The following PCBP3 variants were observed in gnomAD, a reference collection of about 807,000 sequenced individuals.
PCBP3 encodes the protein poly(rC)-binding protein 3.
A neutral mutation model predicts 52.7 loss-of-function variants in PCBP3; 25 were observed. The ratio of observed to expected loss-of-function variants is 0.47; its 90% CI spans 0.35 to 0.66. The LOEUF is 0.66. PCBP3 is among the 30% of genes least tolerant of loss of function. PCBP3 has a pLI of 0.01. For synonymous variants in PCBP3, 162 were observed against 183.0 expected (o/e 0.89, Z 0.93); for missense variants, 391 against 490.3 (o/e 0.80, Z 1.91).
At chr21:45,882,374 T>TTTCTTTCCGTTTCTTTGCC (rs2095424483) in intron 5 of PCBP3, among the ~76,000 whole-genome samples, 1 of 152,196 alleles carries the variant, frequency 6.6e-6, no homozygotes, top group Non-Finnish European at 1.5e-5. Context: ...TAAAATCTGG[T>TTTCTTTCCGTTTCTTTGCC]ATTTGTTTTC....
At chr21:45,732,500 T>C (rs944561629) in intron 2 of PCBP3, among the ~76,000 whole-genome samples, 92 of 122,114 alleles carry the variant, frequency 7.5e-4, no homozygotes, top group South Asian at 6.7e-4. Context: ...TGGCTGCCTT[T>C]ACGATTTTTT....
intron 2 of PCBP3, among the ~76,000 whole-genome samples, chr21:45,707,318 C>T (rs192414213): frequency 6.6e-5 from 10 of 152,084 alleles, no homozygotes; most frequent in Non-Finnish European, 1.0e-4. Context: ...GAGTTCAAGA[C>T]CAGCCTGGTT....
At position 45,735,436 on chromosome 21, in the gene PCBP3, A is replaced by G. The variant is rs954982580; in HGVS notation, c.-162+7A>G. 1 of 151,924 alleles carries G rather than the reference A, an allele frequency of 6.6e-6. No homozygotes were observed. Among genetic ancestry groups the G allele is most frequent in the Non-Finnish European group, 1.5e-5 (1 of 67,996 alleles). 9.4% of individuals were successfully genotyped at this position (151,924 alleles called of 1,614,324 possible). On this transcript the variant is annotated splice_region_variant and intron_variant, in intron 3 of 17. Transcript: ENST00000681687. The surrounding 1 kb of genome is among the most constrained non-coding windows in gnomAD (Gnocchi z 4.0). ...GCTCCCCACGTGGTTCCGTGTAAGT[A>G]GTGCTTCTTATGATGCTGTCACAGG...
intron 4 of PCBP3, chr21:45,761,658 T>A (rs765573897): frequency 1.3e-5 from 2 of 152,280 alleles, no homozygotes; most frequent in Non-Finnish European, 2.9e-5. Context: ...CTCAGTGAGG[T>A]TTGTGTTTCC....
At chr21:45,895,039 G>A (rs116270017) in intron 5 of PCBP3, among the ~76,000 whole-genome samples, 2,406 of 152,312 alleles carry the variant, frequency 0.016, 30 homozygotes, top group South Asian at 0.057. Context: ...CAGCGTAAGC[G>A]CGGGTGTAGA....
chr21:45,912,473 A>T (rs1291539640), intron 11 of PCBP3, among the ~76,000 whole-genome samples: 1 of 152,160 alleles, frequency 6.6e-6, no homozygotes, highest in South Asian at 2.1e-4. Context: ...GGTAGTGGGC[A>T]TGCCTCACCT....
chr21:45,743,766 CT>C (rs1397778931), intron 3 of PCBP3, among the ~76,000 whole-genome samples: 1 of 151,898 alleles, frequency 6.6e-6, no homozygotes, highest in Non-Finnish European at 1.5e-5. Flanking sequence ...CTATAAGGTT[CT>C]TTTTTTTCTA....
chr21:45,690,417 A>C (rs559397968), intron 2 of PCBP3, among the ~76,000 whole-genome samples: 3 of 152,298 alleles, frequency 2.0e-5, no homozygotes, highest in South Asian at 4.1e-4. Context: ...TCTTAGATAC[A>C]TCAACAAATA....
chr21:45,667,019 A>G (rs1421631579), intron 1 of PCBP3, among the ~76,000 whole-genome samples: 1 of 149,820 alleles, frequency 6.7e-6, no homozygotes, highest in Non-Finnish European at 1.5e-5. Flanking sequence ...CCTTTCATAT[A>G]TTCTTTGTAC....
At chr21:45,796,534 CTG>C (rs1198423035) in intron 4 of PCBP3, among the ~76,000 whole-genome samples, 2 of 151,930 alleles carry the variant, frequency 1.3e-5, no homozygotes, top group African/African-American at 4.8e-5. Flanking sequence ...CATTTTTTGT[CTG>C]TTGTGTTTAT....
At chr21:45,785,653 A>G (rs1264302277) in intron 4 of PCBP3, among the ~76,000 whole-genome samples, 1 of 152,230 alleles carries the variant, frequency 6.6e-6, no homozygotes, top group Non-Finnish European at 1.5e-5. Flanking sequence ...CTCATTGAGA[A>G]TGGGCCATGA....
intron 4 of PCBP3, among the ~76,000 whole-genome samples, chr21:45,782,020 A>G (rs887802468): frequency 3.3e-5 from 5 of 151,856 alleles, no homozygotes; most frequent in Non-Finnish European, 7.4e-5. Context: ...TCAGTAGTTC[A>G]TTCAGTATTC....
At position 45,737,202 on chromosome 21, in the gene PCBP3, C is replaced by T. The variant is rs565049392; in HGVS notation, c.-162+1773C>T. On this transcript the variant is annotated intron_variant, in intron 3 of 17. Coordinates refer to ENST00000681687, the MANE Select transcript of PCBP3 (RefSeq NM_001384156.1). The surrounding 1 kb of genome is among the most constrained non-coding windows in gnomAD (Gnocchi z 4.9). ...CCGAGGCTGCTCTCAGTCCACGTGG[C>T]GTCGGGGCTGAGAGGAGCCCACAGC... is the stretch of plus-strand genomic sequence containing the variant. 2.0e-5 allele frequency among the ~76,000 whole-genome samples: 3 copies of T among 151,940 alleles called. No homozygotes were observed. Among genetic ancestry groups the T allele is most frequent in the South Asian group, 4.2e-4 (2 of 4,804 alleles).
intron 7 of PCBP3, among the ~76,000 whole-genome samples, 172 bp downstream of exon 7, chr21:45,899,794 C>T: frequency 6.6e-6 from 1 of 152,130 alleles, no homozygotes; most frequent in Middle Eastern, 3.2e-3. Flanking sequence ...TGCTGTATGA[C>T]ATTGAAGCTG....
intron 5 of PCBP3, among the ~76,000 whole-genome samples, chr21:45,891,275 G>A (rs1419385016): frequency 2.0e-5 from 3 of 152,222 alleles, no homozygotes; most frequent in Non-Finnish European, 4.4e-5. Flanking sequence ...AAATGGAAGT[G>A]CTTCCATGAG....
intron 3 of PCBP3, chr21:45,753,123 T>A (rs2087689510): frequency 1.3e-5 from 1 of 77,300 alleles, no homozygotes. Flanking sequence ...CAAGACCCCG[T>A]CTCCAAAAAA....
chr21:45,691,282 T>G (rs1047591840), intron 2 of PCBP3, among the ~76,000 whole-genome samples: 4 of 151,162 alleles, frequency 2.6e-5, no homozygotes, highest in African/African-American at 9.7e-5. Flanking sequence ...CATAAGAATA[T>G]CAATAATTGC....
intron 4 of PCBP3, among the ~76,000 whole-genome samples, chr21:45,764,625 T>C (rs1478629553): frequency 6.6e-6 from 1 of 152,230 alleles, no homozygotes. Context: ...AAGCTTTTGC[T>C]GCAGTTTTCT....
chr21:45,729,655 T>C (rs1031095860), intron 2 of PCBP3, among the ~76,000 whole-genome samples: 6 of 152,192 alleles, frequency 3.9e-5, no homozygotes, highest in Non-Finnish European at 8.8e-5. Context: ...GTCTGTATAA[T>C]GTTCTATTTC....
Sources: gnomAD v4.1 joint callset for allele counts (sites outside exome capture counted in the v4.1 genomes callset) on GRCh38, gnomAD v4.1.1 for gene constraint, Gnocchi (gnomAD v3.1) non-coding constraint, MANE v1.5 for transcripts, NCBI Gene and HGNC (gene_info 2026-07-23, HGNC 2026-07-21) for gene names.